Variants in CD5L observed in about 807,000 individuals in gnomAD.
CD5L encodes the protein CD5 antigen-like.
CD5L carries 39 observed loss-of-function variants against 40.8 expected under a neutral mutation model. The observed-to-expected ratio is 0.96, with a 90% CI of 0.74 to 1.25. The LOEUF is 1.25. CD5L is among the 50% of genes most tolerant of loss of function. CD5L has a pLI of 0.00. For synonymous variants in CD5L, 192 were observed against 169.6 expected, an observed-to-expected ratio of 1.13 and a Z score of -1.03; for missense variants, 433 against 435.9, an observed-to-expected ratio of 0.99 and a Z score of 0.06.
intron 1 of CD5L, 147 bp from the exon 2 acceptor site, chr1:157,839,557 C>G: frequency 1.3e-6 from 1 of 741,082 alleles, no homozygotes; most frequent in Non-Finnish European, 2.2e-6. Flanking sequence ...CCTTCTTCTT[C>G]TGGGATGACC....
Position 157,841,665 on chromosome 1 carries a change from G to A in CD5L, c.28+9C>T, listed in dbSNP as rs1024444939. 2.2e-5 allele frequency: 35 copies of A among 1,612,678 alleles called. No individual in the cohort carries two copies. Among genetic ancestry groups the A allele is most frequent in the Non-Finnish European group, 2.6e-5 (31 of 1,179,354 alleles). On this transcript the variant is annotated intron_variant, in intron 1 of 5. Transcript: ENST00000368174. ...TGAAGCCTAAACCAACAGGTGCAGA[G>A]ATACTCACCAAGGATCAAGGAGAAT... is the stretch of plus-strand genomic sequence containing the variant.
chr1:157,833,054 G>A, intron 5 of CD5L, 138 bp downstream of exon 5: 1 of 731,272 alleles, frequency 1.4e-6, no homozygotes, highest in South Asian at 1.7e-5. Flanking sequence ...ATCCCTGGAA[G>A]TACAGAGCAG....
In CD5L at chr1:157,835,825, C is replaced by T; in HGVS notation, c.376+10G>A. 2 of 1,600,018 alleles carry T rather than the reference C, an allele frequency of 1.2e-6. No homozygotes were observed. Among genetic ancestry groups the T allele is most frequent in the South Asian group, 1.1e-5 (1 of 88,774 alleles). ...GCTGGCAAGTGGTCCGGGACCCCTG[C>T]CATACTCACTCTCACACGATGCCCC... On this transcript the variant is annotated intron_variant, in intron 3 of 5. Transcript: ENST00000368174.
rs1656051264 is a variant in CD5L at position 157,831,633 on chromosome 1, T to G, written c.*331A>C. ...AGACCTTAGTAATGGTCTGCACATCTGACCAAAGTGACAGGTTTGAGGATT... is the reference window on the plus strand; with the variant it reads ...AGACCTTAGTAATGGTCTGCACATCGGACCAAAGTGACAGGTTTGAGGATT... On this transcript the variant is annotated 3_prime_UTR_variant, in exon 6 of 6. Coordinates refer to ENST00000368174, the MANE Select transcript of CD5L (RefSeq NM_005894.3). The G allele has an allele frequency of 8.8e-7, 1 of 1,135,102 alleles. No homozygotes were observed. Among genetic ancestry groups the G allele is most frequent in the Admixed American group, 4.8e-5 (1 of 21,020 alleles). The allele number at this position is 1,135,102 out of a possible 1,614,324, so 70.3% of individuals were successfully genotyped here.
In CD5L at chr1:157,836,254, G is replaced by T. The variant is rs978727115; in HGVS notation, c.56-99C>A. 4.2e-6 allele frequency: 4 copies of T among 957,804 alleles called. No individual in the cohort carries two copies. In the African/African-American group the frequency reaches 6.6e-5, roughly 16 times the overall value. The allele number at this position is 957,804 out of a possible 1,614,324, so 59.3% of individuals were successfully genotyped here. ...CTGGGACTCTTCCACCATTCAAATG[G>T]TGCAGAGTGTTGGGGAACTAGAAAT... On this transcript the variant is annotated intron_variant, in intron 2 of 5. Transcript: ENST00000368174.
intron 5 of CD5L, among the ~76,000 whole-genome samples, chr1:157,832,515 C>T (rs1250198334): frequency 6.6e-6 from 1 of 152,190 alleles, no homozygotes; most frequent in African/African-American, 2.4e-5. Flanking sequence ...AGCCACGCAG[C>T]GGCTGCACTT....
chr1:157,835,403 C>T (rs1393201313), intron 3 of CD5L, among the ~76,000 whole-genome samples: 2 of 152,198 alleles, frequency 1.3e-5, no homozygotes, highest in Admixed American at 1.3e-4. Flanking sequence ...TGTTAGTTTC[C>T]TATGAGTATC....
At chr1:157,837,926 C>A (rs930983391) in intron 2 of CD5L, among the ~76,000 whole-genome samples, 5 of 152,024 alleles carry the variant, frequency 3.3e-5, no homozygotes, top group Non-Finnish European at 5.9e-5. Context: ...CAGGCGCCAG[C>A]CACCACACCT....
chr1:157,837,443 A>G (rs1656248539), intron 2 of CD5L, among the ~76,000 whole-genome samples: 1 of 152,174 alleles, frequency 6.6e-6, no homozygotes, highest in Admixed American at 6.5e-5. Flanking sequence ...AAGCTTGGCA[A>G]TCCCACCAAG....
chr1:157,839,247 G>T, intron 2 of CD5L, 137 bp downstream of exon 2: 1 of 820,356 alleles, frequency 1.2e-6, no homozygotes, highest in Non-Finnish European at 2.1e-6. Context: ...ACAAGACTGA[G>T]TGGGTGAGGT....
At chr1:157,839,542 TG>T in intron 1 of CD5L, 132 bp from the exon 2 acceptor site, 1 of 857,440 alleles carries the variant, frequency 1.2e-6, no homozygotes, top group Non-Finnish European at 1.8e-6. Flanking sequence ...TCAGTCCTGT[TG>T]GGACCTTCTT....
At chr1:157,832,958 C>G (rs2777815) in intron 5 of CD5L, among the ~76,000 whole-genome samples, 110,368 of 152,010 alleles carry the variant, frequency 0.73, 40,193 homozygotes, top group South Asian at 0.85. Context: ...TATGTTCTCA[C>G]GATCAATACG....
Position 157,834,603 on chromosome 1 carries a change from C to T in CD5L, c.522G>A (p.Val174=). The T allele has an allele frequency of 6.2e-7, 1 of 1,614,194 alleles. No homozygotes were observed. ...TCCCACATCCCAGCTGCCGGCACAC[C>T]ACCTTTGCGGCCCGGAGGCTCCAGC... ...QTGWSLRAAK[V]VCRQLGCGRA... is the part of the protein sequence containing the mutation. Residue 174 remains valine, a synonymous_variant, in exon 4 of 6, where the codon GTG becomes GTA. Coordinates refer to ENST00000368174, the MANE Select transcript of CD5L (RefSeq NM_005894.3).
Position 157,833,176 on chromosome 1 carries a change from C to T in CD5L, c.1039+16G>A. 1 of 1,593,126 alleles carries T rather than the reference C, an allele frequency of 6.3e-7. No homozygotes were observed. Among genetic ancestry groups the T allele is most frequent in the South Asian group, 1.1e-5 (1 of 89,192 alleles). On this transcript the variant is annotated intron_variant, in intron 5 of 5. Transcript: ENST00000368174. ...CCTCCTTGCCAGCCCTTATGAACTC[C>T]ATCTGTAGGACTCACCTGAGCAGAT... is the stretch of plus-strand genomic sequence containing the variant.
intron 2 of CD5L, 44 bp downstream of exon 2, chr1:157,839,340 C>T (rs1656301159): frequency 6.2e-7 from 1 of 1,605,334 alleles, no homozygotes; most frequent in African/African-American, 1.3e-5. Context: ...TTTTCCCTCT[C>T]CTAAGCTTGA....
At chr1:157,836,642 T>C (rs1216832068) in intron 2 of CD5L, among the ~76,000 whole-genome samples, 1 of 152,230 alleles carries the variant, frequency 6.6e-6, no homozygotes, top group African/African-American at 2.4e-5. Flanking sequence ...TTTTTCCTCT[T>C]CATGACTCTG....
chr1:157,835,886 C>G lies in CD5L; in HGVS notation c.325G>C (p.Glu109Gln), dbSNP rs768544908. The change falls in exon 3 of 6, where the codon GAA becomes CAA. Residue 109 changes from glutamate to glutamine, a missense_variant. Coordinates refer to ENST00000368174, the MANE Select transcript of CD5L (RefSeq NM_005894.3). Reference protein sequence around the residue: ...TEDTLAQCEQEEVYDCSHDED... With the variant: ...TEDTLAQCEQQEVYDCSHDED... ...TCATGTGAACAATCATAAACTTCTT[C>G]TTGCTCACACTGAGCCAATGTATCT... 6.8e-6 allele frequency: 11 copies of G among 1,614,070 alleles called. No individual in the cohort carries two copies. The highest frequency in any genetic ancestry group is 9.3e-6 in the Non-Finnish European group (11 of 1,180,028).
At chr1:157,837,220 C>CA (rs1400248886) in intron 2 of CD5L, among the ~76,000 whole-genome samples, 4 of 151,842 alleles carry the variant, frequency 2.6e-5, no homozygotes, top group East Asian at 3.9e-4. Flanking sequence ...GACTCCATCT[C>CA]AAAAAAAGAG....
Position 157,833,259 on chromosome 1 carries a change from C to T in CD5L, c.972G>A (p.Gln324=), listed in dbSNP as rs1210017665. The T allele has an allele frequency of 6.2e-7, 1 of 1,614,214 alleles. No homozygotes were observed. Among genetic ancestry groups the T allele is most frequent in the Non-Finnish European group, 8.5e-7 (1 of 1,180,028 alleles). ...RCSGEEQSLE[Q]CQHRFWGFHD... is the part of the protein sequence containing the mutation. ...GAAACCCCCAAAATCTGTGCTGGCACTGCTCCAGGGACTGCTCCTCCCCTG... is the reference window on the plus strand; with the variant it reads ...GAAACCCCCAAAATCTGTGCTGGCATTGCTCCAGGGACTGCTCCTCCCCTG... The change falls in exon 5 of 6, where the codon CAG becomes CAA. Residue 324 remains glutamine, a synonymous_variant. Coordinates refer to ENST00000368174, the MANE Select transcript of CD5L (RefSeq NM_005894.3).
Sources: gnomAD v4.1 joint callset for allele counts (sites outside exome capture counted in the v4.1 genomes callset) on GRCh38, gnomAD v4.1.1 for gene constraint, MANE v1.5 for transcripts, NCBI Gene and HGNC (gene_info 2026-07-23, HGNC 2026-07-21) for gene names.